NCAM2: variants seen among roughly 807,000 people sequenced by gnomAD.
NCAM2 encodes the protein N-CAM-2.
In NCAM2, 30 loss-of-function variants were observed where a neutral mutation model predicts 98.1. The ratio of observed to expected loss-of-function variants is 0.31; its 90% CI spans 0.23 to 0.41. NCAM2 has a LOEUF of 0.41. Among genes scored for constraint, NCAM2 ranks in the 10% least tolerant of loss-of-function variants. The pLI is 1.00. For synonymous variants in NCAM2, 368 were observed against 342.4 expected (o/e 1.07, Z -0.83); for missense variants, 867 against 1,005.8 (o/e 0.86, Z 1.87).
chr21:21,026,052 G>A (rs1211913030), intron 1 of NCAM2, among the ~76,000 whole-genome samples: 3 of 152,172 alleles, frequency 2.0e-5, no homozygotes, highest in Non-Finnish European at 4.4e-5. Flanking sequence ...GGCTCAAGGC[G>A]AGAAATAAGT....
intron 5 of NCAM2, among the ~76,000 whole-genome samples, chr21:21,296,783 T>C (rs2073499414): frequency 6.6e-6 from 1 of 151,780 alleles, no homozygotes; most frequent in African/African-American, 2.4e-5. Flanking sequence ...TATACCTGTG[T>C]CACAGAGGCA....
intron 1 of NCAM2, among the ~76,000 whole-genome samples, chr21:21,221,249 A>G (rs1167510614): frequency 6.6e-6 from 1 of 152,076 alleles, no homozygotes; most frequent in Non-Finnish European, 1.5e-5. Flanking sequence ...AACACATAAT[A>G]ATATTGAAAT....
At chr21:21,434,432 G>T (rs549490342) in intron 12 of NCAM2, among the ~76,000 whole-genome samples, 7 of 152,164 alleles carry the variant, frequency 4.6e-5, no homozygotes, top group African/African-American at 1.4e-4. Flanking sequence ...TGAGGAAAAT[G>T]ACAGCATTAG....
intron 10 of NCAM2, among the ~76,000 whole-genome samples, chr21:21,415,002 A>G (rs770369466): frequency 1.6e-4 from 24 of 151,802 alleles, no homozygotes; most frequent in Non-Finnish European, 3.5e-4. Flanking sequence ...AAAATATTCA[A>G]TAAACCAGGC....
intron 5 of NCAM2, among the ~76,000 whole-genome samples, chr21:21,306,176 TGTTTTG>T (rs1181522423): frequency 6.6e-6 from 1 of 152,158 alleles, no homozygotes; most frequent in Non-Finnish European, 1.5e-5. Context: ...TGTTGGTTAA[TGTTTTG>T]GTAATTATCA....
At position 21,269,119 on chromosome 21, in the gene NCAM2, T is replaced by G. The variant is rs921545731; in HGVS notation, c.56-11459T>G. On this transcript the variant is annotated intron_variant, in intron 1 of 17. Coordinates refer to ENST00000400546, the MANE Select transcript of NCAM2 (RefSeq NM_004540.5). ...TCCAATTTATTTGCCATTTAAAAAT[T>G]TATCTGTCATCCTTTCCCTATCTTT... 1.3e-4 allele frequency among the ~76,000 whole-genome samples: 20 copies of G among 152,152 alleles called. 2 individuals are homozygous for G. The highest frequency in any genetic ancestry group is 1.3e-3 in the Admixed American group (20 of 15,250).
At chr21:21,208,534 TTA>T (rs2069526013) in intron 1 of NCAM2, among the ~76,000 whole-genome samples, 1 of 152,184 alleles carries the variant, frequency 6.6e-6, no homozygotes, top group Non-Finnish European at 1.5e-5. Flanking sequence ...CAGCATCTTT[TTA>T]TTTTAGCTTC....
At chr21:21,229,395 A>G (rs2070526722) in intron 1 of NCAM2, among the ~76,000 whole-genome samples, 1 of 151,564 alleles carries the variant, frequency 6.6e-6, no homozygotes, top group African/African-American at 2.4e-5. Context: ...AGTGTCTTTA[A>G]TAAGATGTCA....
chr21:21,157,872 C>G (rs181497852), intron 1 of NCAM2, among the ~76,000 whole-genome samples: 1 of 152,042 alleles, frequency 6.6e-6, no homozygotes, highest in African/African-American at 2.4e-5. Flanking sequence ...TTGGAAAGTT[C>G]TTTCTCCAGT....
At chr21:21,266,248 GT>G (rs533870987) in intron 1 of NCAM2, among the ~76,000 whole-genome samples, 3 of 151,956 alleles carry the variant, frequency 2.0e-5, no homozygotes, top group African/African-American at 4.8e-5. Context: ...TAAACATACT[GT>G]TTTTTTACTC....
intron 15 of NCAM2, among the ~76,000 whole-genome samples, chr21:21,495,443 C>T (rs2146319804): frequency 6.6e-6 from 1 of 152,032 alleles, no homozygotes; most frequent in Non-Finnish European, 1.5e-5. Flanking sequence ...TAGCCATTAC[C>T]ATAGCCCAGG....
chr21:21,116,726 G>T (rs2066568258), intron 1 of NCAM2, among the ~76,000 whole-genome samples: 1 of 152,086 alleles, frequency 6.6e-6, no homozygotes, highest in South Asian at 2.1e-4. Flanking sequence ...GCGGTGGCAG[G>T]CACCTGTAGT....
intron 1 of NCAM2, among the ~76,000 whole-genome samples, chr21:21,110,750 T>G (rs775345240): frequency 5.9e-5 from 9 of 151,952 alleles, no homozygotes; most frequent in Non-Finnish European, 1.2e-4. Flanking sequence ...ACATTGTCCT[T>G]TATGAGAAGG....
chr21:21,090,621 A>C (rs2065993307), intron 1 of NCAM2, among the ~76,000 whole-genome samples: 1 of 152,122 alleles, frequency 6.6e-6, no homozygotes, highest in South Asian at 2.1e-4. Context: ...AGAGTGTCTC[A>C]TTTAAAACTT....
intron 1 of NCAM2, among the ~76,000 whole-genome samples, chr21:21,147,720 A>G (rs1353947365): frequency 6.7e-6 from 1 of 148,560 alleles, no homozygotes; most frequent in Non-Finnish European, 1.5e-5. Flanking sequence ...TATATACTAT[A>G]TATAATATAT....
chr21:21,463,449 ACATC>A (rs1983260895), intron 12 of NCAM2, among the ~76,000 whole-genome samples: 1 of 152,134 alleles, frequency 6.6e-6, no homozygotes, highest in Non-Finnish European at 1.5e-5. Context: ...TGCAAAACTT[ACATC>A]AGTAGGTTTA....
intron 8 of NCAM2, among the ~76,000 whole-genome samples, chr21:21,365,257 G>A (rs1253559186): frequency 1.3e-5 from 2 of 151,626 alleles, no homozygotes; most frequent in African/African-American, 4.9e-5. Context: ...GTGTGTGTGT[G>A]TGTGTGTGTG....
chr21:21,540,268 CATAT>C lies in NCAM2; in HGVS notation c.*2321_*2324del, dbSNP rs1016802776. 3.1e-5 allele frequency: 4 copies of C among 129,700 alleles called. No individual in the cohort carries two copies. The highest frequency in any genetic ancestry group is 2.0e-4 in the East Asian group (1 of 5,038). 8.0% of individuals were successfully genotyped at this position (129,700 alleles called of 1,614,324 possible). Reference sequence around the variant, plus strand: ...GACATATATTTCATATATATATACACATATATATATATACACATATATATACATA... The same window carrying C: ...GACATATATTTCATATATATATACACATATATATACACATATATATACATA... On this transcript the variant is annotated 3_prime_UTR_variant, in exon 18 of 18. Transcript: ENST00000400546.
At chr21:21,034,593 A>G (rs1251012261) in intron 1 of NCAM2, among the ~76,000 whole-genome samples, 1 of 152,180 alleles carries the variant, frequency 6.6e-6, no homozygotes, top group Non-Finnish European at 1.5e-5. Context: ...AAATCAGAAA[A>G]ATGGAAGAAA....
Sources: gnomAD v4.1 joint callset for allele counts (sites outside exome capture counted in the v4.1 genomes callset) on GRCh38, gnomAD v4.1.1 for gene constraint, MANE v1.5 for transcripts, NCBI Gene and HGNC (gene_info 2026-07-23, HGNC 2026-07-21) for gene names.